The following DNTTIP1 variants were observed in gnomAD, a reference collection of about 807,000 sequenced individuals.
DNTTIP1 encodes deoxynucleotidyltransferase terminal interacting protein 1.
A neutral mutation model predicts 52.9 loss-of-function variants in DNTTIP1; 22 were observed. The ratio of observed to expected loss-of-function variants is 0.42; its 90% CI spans 0.30 to 0.59. The LOEUF is 0.59. Among genes scored for constraint, DNTTIP1 ranks in the 20% least tolerant of loss-of-function variants. The pLI is 0.22. For synonymous variants in DNTTIP1, 136 were observed against 155.1 expected (o/e 0.88, Z 0.92); for missense variants, 286 against 435.5 (o/e 0.66, Z 3.06).
At chr20:45,793,458 G>A (rs1350505992) in intron 2 of DNTTIP1, among the ~76,000 whole-genome samples, 4 of 152,156 alleles carry the variant, frequency 2.6e-5, no homozygotes, top group Non-Finnish European at 5.9e-5. Flanking sequence ...CCAGCACTTT[G>A]GGAGTCTGAG....
chr20:45,806,743 A>G (rs1981663348), intron 10 of DNTTIP1, among the ~76,000 whole-genome samples: 1 of 152,226 alleles, frequency 6.6e-6, no homozygotes, highest in Admixed American at 6.5e-5. Context: ...TCGAGTCCCA[A>G]CACTTAAACA....
chr20:45,804,436 GT>G (rs142305043), intron 8 of DNTTIP1, among the ~76,000 whole-genome samples: 7,318 of 152,226 alleles, frequency 0.048, 240 homozygotes, highest in East Asian at 0.12. Context: ...CTCCCTGCCT[GT>G]AGTCTTGCCC....
intron 2 of DNTTIP1, 118 bp downstream of exon 2, chr20:45,792,865 G>T: frequency 1.2e-6 from 1 of 829,146 alleles, no homozygotes; most frequent in Non-Finnish European, 1.8e-6. Flanking sequence ...ACAGGACTGA[G>T]GAAGAGGAGA....
chr20:45,800,035 G>T (rs1177467106), intron 4 of DNTTIP1, among the ~76,000 whole-genome samples: 2 of 151,418 alleles, frequency 1.3e-5, no homozygotes, highest in Non-Finnish European at 2.9e-5. Flanking sequence ...CAGGAGAATT[G>T]CTTGAACCTG....
chr20:45,794,955 C>T (rs1031074713), intron 3 of DNTTIP1, among the ~76,000 whole-genome samples: 3 of 152,052 alleles, frequency 2.0e-5, no homozygotes, highest in African/African-American at 4.8e-5. Context: ...TCCGCCACCA[C>T]GCCCAGCTAA....
chr20:45,792,632 C>T, intron 1 of DNTTIP1, 45 bp from the exon 2 acceptor site: 1 of 1,481,352 alleles, frequency 6.8e-7, no homozygotes, highest in Non-Finnish European at 9.2e-7. Context: ...CACCCCACCC[C>T]AGTGTCACAG....
At chr20:45,804,134 A>C (rs888803363) in intron 8 of DNTTIP1, among the ~76,000 whole-genome samples, 1 of 152,166 alleles carries the variant, frequency 6.6e-6, no homozygotes, top group Admixed American at 6.5e-5. Flanking sequence ...AAACTTGTTT[A>C]TCCTACTATC....
At chr20:45,798,377 A>C (rs200046957) in intron 4 of DNTTIP1, among the ~76,000 whole-genome samples, 5 of 152,092 alleles carry the variant, frequency 3.3e-5, no homozygotes, top group South Asian at 4.2e-4. Context: ...GATATACCTA[A>C]TGTTAAATGA....
chr20:45,795,859 C>G (rs1601025373), intron 4 of DNTTIP1, among the ~76,000 whole-genome samples: 2 of 152,136 alleles, frequency 1.3e-5, no homozygotes, highest in Admixed American at 1.3e-4. Flanking sequence ...GAATGCCCAG[C>G]AAGCCACATA....
intron 4 of DNTTIP1, among the ~76,000 whole-genome samples, chr20:45,800,498 A>AC (rs1981391493): frequency 6.6e-6 from 1 of 151,168 alleles, no homozygotes; most frequent in African/African-American, 2.4e-5. Flanking sequence ...ACATGGTGAA[A>AC]CCCCGTTTCT....
In DNTTIP1 at chr20:45,801,136, A is replaced by C; in HGVS notation, c.435A>C (p.Gly145=). ...CCAGATTGACCCATGAGCTTCCAGG[A>C]ATAAAGGTCAGAGTCACTGTGTTCT... ...VIPRLTHELP[G]IKRGRQAEEE... Residue 145 remains glycine (G), a synonymous_variant, in exon 5 of 13, where the codon GGA becomes GGC. Transcript: ENST00000372622. 1 of 1,613,984 alleles carries C rather than the reference A, an allele frequency of 6.2e-7. No homozygotes were observed.
intron 3 of DNTTIP1, among the ~76,000 whole-genome samples, 177 bp downstream of exon 3, chr20:45,794,194 G>A (rs113562688): frequency 0.14 from 20,829 of 152,114 alleles, 1,562 homozygotes; most frequent in South Asian, 0.22. Context: ...TGTCACCCAG[G>A]CTGGAGTGCA....
chr20:45,797,338 G>T (rs945034962), intron 4 of DNTTIP1, among the ~76,000 whole-genome samples: 12 of 152,052 alleles, frequency 7.9e-5, no homozygotes, highest in African/African-American at 2.7e-4. Context: ...ATTCAAGATG[G>T]ATTAAAGACT....
chr20:45,807,231 T>G (rs1411727004), intron 10 of DNTTIP1, among the ~76,000 whole-genome samples: 3 of 151,992 alleles, frequency 2.0e-5, no homozygotes, highest in Non-Finnish European at 4.4e-5. Flanking sequence ...CAAGCAATTG[T>G]CTGCCTCAGC....
intron 2 of DNTTIP1, among the ~76,000 whole-genome samples, chr20:45,793,661 C>G (rs1281308070): frequency 1.3e-5 from 2 of 152,038 alleles, no homozygotes; most frequent in Non-Finnish European, 2.9e-5. Context: ...AACCACGCCA[C>G]TGCACTCCAG....
At position 45,795,333 on chromosome 20, in the gene DNTTIP1, G is replaced by T; in HGVS notation, c.274-12G>T. 6.3e-7 allele frequency: 1 copy of T among 1,578,866 alleles called. No individual in the cohort carries two copies. Among genetic ancestry groups the T allele is most frequent in the Non-Finnish European group, 8.7e-7 (1 of 1,154,002 alleles). On this transcript the variant is annotated splice_polypyrimidine_tract_variant and intron_variant, in intron 3 of 12. Transcript: ENST00000372622. ...CAGGACTCTGACCTTGTCCTCTGTT[G>T]TGCTCCCCTAGTTCTTCCAGAAGGC...
intron 8 of DNTTIP1, among the ~76,000 whole-genome samples, chr20:45,803,906 C>G (rs915931385): frequency 6.6e-6 from 1 of 152,234 alleles, no homozygotes; most frequent in Non-Finnish European, 1.5e-5. Context: ...AGTCTGTGCT[C>G]TCAACCATTA....
chr20:45,805,156 C>T lies in DNTTIP1; in HGVS notation c.614C>T (p.Ala205Val). ...IRREGPKWDP[A>V]RLNESTTFVL... ...CTATTTTTTGCACAGTGGGACCCAG[C>T]TCGCCTGAATGAATCTACCACCTTT... Residue 205 changes from alanine to valine, a missense_variant, in exon 9 of 13, where the codon GCT (alanine) becomes GTT (valine). Transcript: ENST00000372622. The T allele has an allele frequency of 6.2e-7, 1 of 1,614,200 alleles. No homozygotes were observed. The highest frequency in any genetic ancestry group is 8.5e-7 in the Non-Finnish European group (1 of 1,180,024).
intron 1 of DNTTIP1, 85 bp from the exon 2 acceptor site, chr20:45,792,592 A>G (rs1325384562): frequency 9.5e-7 from 1 of 1,054,418 alleles, no homozygotes. Context: ...AGGGATGTCC[A>G]GGTTTAACTT....
Sources: gnomAD v4.1 joint callset for allele counts (sites outside exome capture counted in the v4.1 genomes callset) on GRCh38, gnomAD v4.1.1 for gene constraint, MANE v1.5 for transcripts, NCBI Gene and HGNC (gene_info 2026-07-23, HGNC 2026-07-21) for gene names.